KATNIP: variants seen among roughly 807,000 people sequenced by gnomAD.
KATNIP encodes katanin-interacting protein.
In KATNIP, 126 loss-of-function variants were observed where a neutral mutation model predicts 174.0. The observed-to-expected ratio is 0.72, with a 90% CI of 0.63 to 0.84. The LOEUF (loss-of-function observed/expected upper bound fraction) is 0.84. KATNIP is among the 40% of genes least tolerant of loss of function. The probability of loss-of-function intolerance (pLI) is 0.00; values close to 1 mark genes in which losing one functional copy is unlikely to be tolerated. For missense variants in KATNIP, 1,958 were observed against 2,109.7 expected (o/e 0.93, Z 1.41); for synonymous variants, 810 against 835.7 (o/e 0.97, Z 0.53).
At chr16:27,571,337 T>A (rs1470415889) in intron 1 of KATNIP, among the ~76,000 whole-genome samples, 1 of 152,164 alleles carries the variant, frequency 6.6e-6, no homozygotes. Flanking sequence ...CTGGCCACAT[T>A]AATGTTTTGT....
intron 14 of KATNIP, among the ~76,000 whole-genome samples, chr16:27,731,147 C>G (rs1318126371): frequency 6.6e-6 from 1 of 152,130 alleles, no homozygotes; most frequent in East Asian, 1.9e-4. Flanking sequence ...CAAAAGACCC[C>G]CATACAGTAT....
intron 6 of KATNIP, among the ~76,000 whole-genome samples, chr16:27,676,817 G>A (rs943277473): frequency 1.3e-5 from 2 of 152,076 alleles, no homozygotes. Context: ...CTACAGGCAT[G>A]CATCACCATA....
chr16:27,593,496 G>A (rs578050469), intron 2 of KATNIP, among the ~76,000 whole-genome samples: 3 of 151,880 alleles, frequency 2.0e-5, no homozygotes, highest in South Asian at 2.1e-4. Flanking sequence ...CCTTGGCCTC[G>A]CAAAGTGCTG....
intron 14 of KATNIP, among the ~76,000 whole-genome samples, chr16:27,734,545 A>G (rs552532533): frequency 5.3e-5 from 8 of 152,172 alleles, no homozygotes; most frequent in African/African-American, 1.4e-4. Context: ...CTAAAAATAC[A>G]AAAAATAGCC....
At chr16:27,597,894 A>G (rs1596857557) in intron 2 of KATNIP, among the ~76,000 whole-genome samples, 1 of 152,180 alleles carries the variant, frequency 6.6e-6, no homozygotes, top group South Asian at 2.1e-4. Flanking sequence ...CAGGAAGCCA[A>G]GAAATCATGG....
At position 27,777,126 on chromosome 16, in the gene KATNIP, CTG is replaced by C. The variant is rs2082527620; in HGVS notation, c.4551+99_4551+100del. The stretch of plus-strand genomic sequence containing the variant: ...TTGTCGCAGTTTGATTTACTTCTCT[CTG>C]TTGCAACCCTCAACACAAATGCCTG... On this transcript the variant is annotated intron_variant, in intron 25 of 27. Coordinates refer to ENST00000261588, the MANE Select transcript of KATNIP (RefSeq NM_015202.5). This position sits in a 1 kb window ranked among gnomAD's most constrained non-coding sequence, Gnocchi z 4.4. 1.2e-6 allele frequency: 1 copy of C among 816,306 alleles called. No homozygotes were observed. The highest frequency in any genetic ancestry group is 2.1e-6 in the Non-Finnish European group (1 of 474,784). 50.6% of individuals were successfully genotyped at this position (816,306 alleles called of 1,614,324 possible).
chr16:27,720,998 C>T (rs982696837), intron 13 of KATNIP, among the ~76,000 whole-genome samples: 5 of 152,198 alleles, frequency 3.3e-5, no homozygotes, highest in Admixed American at 2.0e-4. Flanking sequence ...GGGCCTCCAT[C>T]AGGGGGAGTC....
intron 6 of KATNIP, chr16:27,659,880 CATT>C (rs1414089632): frequency 3.7e-6 from 1 of 268,388 alleles, no homozygotes; most frequent in Non-Finnish European, 5.7e-6. Context: ...CCATGGTTAT[CATT>C]GTTGCTGTTT....
intron 12 of KATNIP, among the ~76,000 whole-genome samples, chr16:27,707,687 G>T (rs1453655517): frequency 1.3e-5 from 2 of 152,244 alleles, no homozygotes; most frequent in Non-Finnish European, 2.9e-5. Context: ...ACAGAGATTT[G>T]TTTTCTCACA....
intron 5 of KATNIP, among the ~76,000 whole-genome samples, chr16:27,646,454 CAG>C (rs2076958607): frequency 6.6e-6 from 1 of 152,176 alleles, no homozygotes; most frequent in Non-Finnish European, 1.5e-5. Context: ...GTGGATTGGC[CAG>C]GCCTGCCTCA....
At chr16:27,616,962 T>G (rs988113418) in intron 2 of KATNIP, among the ~76,000 whole-genome samples, 7 of 139,708 alleles carry the variant, frequency 5.0e-5, no homozygotes, top group African/African-American at 1.9e-4. Context: ...TATATGTAGA[T>G]ATGTATCTTT....
intron 6 of KATNIP, among the ~76,000 whole-genome samples, chr16:27,655,551 G>A (rs901447484): frequency 5.3e-5 from 8 of 151,926 alleles, no homozygotes; most frequent in African/African-American, 1.9e-4. Flanking sequence ...CGCCTGGCCA[G>A]AAGATGTAAA....
chr16:27,769,729 C>A, intron 20 of KATNIP, 132 bp from the exon 21 acceptor site: 2 of 1,059,440 alleles, frequency 1.9e-6, no homozygotes, highest in Non-Finnish European at 1.4e-6. Flanking sequence ...GGGAAATGGA[C>A]CTCGGTCAGG....
At chr16:27,758,899 C>A (rs1597392288) in intron 18 of KATNIP, among the ~76,000 whole-genome samples, 1 of 152,200 alleles carries the variant, frequency 6.6e-6, no homozygotes, top group Non-Finnish European at 1.5e-5. Flanking sequence ...TGCTAGAATG[C>A]AAGCTTCTTG....
intron 5 of KATNIP, among the ~76,000 whole-genome samples, chr16:27,647,027 G>A (rs987735590): frequency 1.4e-5 from 2 of 141,362 alleles, no homozygotes; most frequent in African/African-American, 5.1e-5. Context: ...CCCACAGCTT[G>A]TGAGTCAGAA....
chr16:27,764,560 A>G (rs1260309680), intron 19 of KATNIP, among the ~76,000 whole-genome samples: 1 of 152,220 alleles, frequency 6.6e-6, no homozygotes, highest in African/African-American at 2.4e-5. Flanking sequence ...TGGTATTTAG[A>G]GACCATAATC....
intron 2 of KATNIP, among the ~76,000 whole-genome samples, chr16:27,591,657 G>A (rs1034975173): frequency 9.9e-5 from 15 of 152,174 alleles, no homozygotes; most frequent in African/African-American, 3.6e-4. Flanking sequence ...CAAATGTCAA[G>A]TGTTCAGCAT....
intron 13 of KATNIP, among the ~76,000 whole-genome samples, chr16:27,713,816 A>AATATGTGTGTG (rs2079774652): frequency 3.6e-5 from 1 of 28,048 alleles, no homozygotes; most frequent in African/African-American, 2.3e-4. Flanking sequence ...ATACATATAT[A>AATATGTGTGTG]TATATATATA....
At chr16:27,600,634 G>C (rs553566738) in intron 2 of KATNIP, among the ~76,000 whole-genome samples, 1 of 151,502 alleles carries the variant, frequency 6.6e-6, no homozygotes, top group Non-Finnish European at 1.5e-5. Flanking sequence ...TTTACAATTC[G>C]GTGTCTTGTT....
Sources: gnomAD v4.1 joint callset for allele counts (sites outside exome capture counted in the v4.1 genomes callset) on GRCh38, gnomAD v4.1.1 for gene constraint, Gnocchi (gnomAD v3.1) non-coding constraint, MANE v1.5 for transcripts, NCBI Gene and HGNC (gene_info 2026-07-23, HGNC 2026-07-21) for gene names.